NRG1: variants seen among roughly 807,000 people sequenced by gnomAD.
NRG1 encodes the protein pro-neuregulin-1, membrane-bound isoform.
In NRG1, 18 loss-of-function variants were observed where a neutral mutation model predicts 63.8. That is an observed-to-expected ratio of 0.28 (90% CI 0.19 to 0.42). The LOEUF is 0.42. NRG1 is among the 10% of genes least tolerant of loss of function. The pLI is 1.00. For missense variants in NRG1, 762 were observed against 814.7 expected (o/e 0.94, Z 0.79); for synonymous variants, 302 against 301.3 (o/e 1.00, Z -0.02).
intron 1 of NRG1, among the ~76,000 whole-genome samples, chr8:31,786,372 A>G (rs904806115): frequency 3.9e-5 from 6 of 152,210 alleles, no homozygotes; most frequent in African/African-American, 1.4e-4. Context: ...TGTGACCTCT[A>G]GTCACCAAGA....
intron 1 of NRG1, among the ~76,000 whole-genome samples, chr8:31,695,054 G>GT (rs1809915846): frequency 6.6e-6 from 1 of 152,186 alleles, no homozygotes; most frequent in Non-Finnish European, 1.5e-5. Context: ...AGGAAGCATG[G>GT]TTGGGGAGCC....
intron 2 of NRG1, among the ~76,000 whole-genome samples, chr8:32,602,888 A>G (rs1020425279): frequency 6.6e-6 from 1 of 152,308 alleles, no homozygotes; most frequent in South Asian, 2.1e-4. Flanking sequence ...TTAAAAAATC[A>G]TACGGTATTT....
chr8:32,489,628 G>A (rs1394594080), intron 1 of NRG1, among the ~76,000 whole-genome samples: 2 of 152,076 alleles, frequency 1.3e-5, no homozygotes, highest in Non-Finnish European at 2.9e-5. Context: ...GTGAGCCCAG[G>A]ACTGCAGATA....
At chr8:32,719,442 A>T (rs1227987625) in intron 5 of NRG1, among the ~76,000 whole-genome samples, 2 of 152,028 alleles carry the variant, frequency 1.3e-5, no homozygotes, top group Non-Finnish European at 2.9e-5. Flanking sequence ...CAAATCCCAG[A>T]CATCTTATCA....
At chr8:32,569,213 C>A (rs1442213630) in intron 1 of NRG1, among the ~76,000 whole-genome samples, 1 of 152,118 alleles carries the variant, frequency 6.6e-6, no homozygotes, top group Non-Finnish European at 1.5e-5. Flanking sequence ...CCACACCTGG[C>A]TAATTTTTGA....
At chr8:31,735,772 G>T (rs576156879) in intron 1 of NRG1, among the ~76,000 whole-genome samples, 9 of 152,074 alleles carry the variant, frequency 5.9e-5, no homozygotes, top group Non-Finnish European at 1.0e-4. Flanking sequence ...CCACAGCCTC[G>T]CAAGATGGCA....
At chr8:32,254,009 T>G (rs2129470955) in intron 1 of NRG1, among the ~76,000 whole-genome samples, 1 of 152,344 alleles carries the variant, frequency 6.6e-6, no homozygotes, top group African/African-American at 2.4e-5. Flanking sequence ...GATGGTAGTT[T>G]GTATTTCTGT....
At chr8:31,872,170 A>G (rs1189742968) in intron 1 of NRG1, among the ~76,000 whole-genome samples, 1 of 152,346 alleles carries the variant, frequency 6.6e-6, no homozygotes, top group East Asian at 1.9e-4. Flanking sequence ...GGGATGGCGA[A>G]TGAACTTTTT....
intron 1 of NRG1, among the ~76,000 whole-genome samples, chr8:32,055,929 T>C (rs1214257065): frequency 6.6e-6 from 1 of 152,122 alleles, no homozygotes; most frequent in Non-Finnish European, 1.5e-5. Context: ...AGAATCAGGT[T>C]CATGTTAACA....
intron 1 of NRG1, among the ~76,000 whole-genome samples, chr8:31,657,726 A>G (rs557934608): frequency 6.6e-6 from 1 of 152,310 alleles, no homozygotes; most frequent in South Asian, 2.1e-4. Context: ...ATCTTACGTC[A>G]TTTATTCTTT....
chr8:32,679,470 T>C lies in NRG1; in HGVS notation c.503-48479T>C, dbSNP rs575716279. On this transcript the variant is annotated intron_variant, in intron 5 of 11. Transcript: ENST00000356819. ...TCTTTGCATCATAATATAGTTATCTTTCTCAAAAAAATTAAGCATTTAGCT... is the reference window on the plus strand; with the variant it reads ...TCTTTGCATCATAATATAGTTATCTCTCTCAAAAAAATTAAGCATTTAGCT... 3.9e-5 allele frequency among the ~76,000 whole-genome samples: 6 copies of C among 152,302 alleles called. No homozygotes were observed. The South Asian group carries it at 1.2e-3, about 32-fold the overall frequency.
intron 1 of NRG1, among the ~76,000 whole-genome samples, chr8:32,062,884 C>G (rs1203770681): frequency 6.6e-6 from 1 of 151,920 alleles, no homozygotes; most frequent in Non-Finnish European, 1.5e-5. Context: ...TGAAATTGCT[C>G]TAATTTTTGG....
intron 9 of NRG1, among the ~76,000 whole-genome samples, chr8:32,759,049 G>C (rs765970339): frequency 6.6e-6 from 1 of 151,974 alleles, no homozygotes; most frequent in Non-Finnish European, 1.5e-5. Context: ...TAGTTGGAAT[G>C]ATGGGCCGTA....
At chr8:31,995,216 C>G (rs967011025) in intron 1 of NRG1, among the ~76,000 whole-genome samples, 10 of 151,902 alleles carry the variant, frequency 6.6e-5, no homozygotes, top group African/African-American at 2.4e-4. Context: ...ATCTCTTCTC[C>G]CCTCTGCCCT....
intron 1 of NRG1, among the ~76,000 whole-genome samples, chr8:32,377,691 T>C (rs1809799245): frequency 6.6e-6 from 1 of 152,212 alleles, no homozygotes. Flanking sequence ...TTAAAGTGTT[T>C]ATTTTCTTTA....
intron 1 of NRG1, among the ~76,000 whole-genome samples, chr8:31,960,487 C>A (rs1324236755): frequency 1.3e-5 from 2 of 152,318 alleles, no homozygotes; most frequent in Non-Finnish European, 2.9e-5. Flanking sequence ...GGAAAGCTCT[C>A]CTCTCTGATG....
intron 1 of NRG1, among the ~76,000 whole-genome samples, chr8:31,695,369 C>T (rs1171149278): frequency 2.0e-5 from 3 of 152,130 alleles, no homozygotes; most frequent in Non-Finnish European, 1.5e-5. Flanking sequence ...GGGGTTTTGC[C>T]CTGTTGGCGA....
At chr8:32,340,629 A>G (rs1431723705) in intron 1 of NRG1, among the ~76,000 whole-genome samples, 3 of 152,214 alleles carry the variant, frequency 2.0e-5, no homozygotes, top group Non-Finnish European at 2.9e-5. Context: ...TGTTTCTTTT[A>G]ATACTCATTT....
rs972337329 is a variant in NRG1 at position 32,548,536 on chromosome 8, G to C, written c.-191G>C. ...GGGCGAGCGCCCGTTCCAGGTGGCC[G>C]GACCGCCCGCCGCGTCCGCGCCGCG... On this transcript the variant is annotated 5_prime_UTR_variant, in exon 1 of 12. Coordinates refer to ENST00000356819, the Ensembl canonical transcript of NRG1. 27 of 1,249,762 alleles carry C rather than the reference G, an allele frequency of 2.2e-5. No homozygotes were observed. The South Asian group carries it at 5.6e-4, about 26-fold the overall frequency. The allele number at this position is 1,249,762 out of a possible 1,614,324, so 77.4% of individuals were successfully genotyped here.
Sources: allele counts gnomAD v4.1 joint callset (sites outside exome capture counted in the v4.1 genomes callset), GRCh38; gene constraint gnomAD v4.1.1; transcripts MANE v1.5; gene names NCBI Gene and HGNC (gene_info 2026-07-23, HGNC 2026-07-21).